Variants in ADCY5 observed in about 807,000 individuals in gnomAD.
ADCY5 encodes the protein adenylate cyclase type 5.
Under a neutral mutation model 119.7 loss-of-function variants are expected in ADCY5, and 30 were observed. That is an observed-to-expected ratio of 0.25 (90% CI 0.19 to 0.34). The LOEUF (loss-of-function observed/expected upper bound fraction) is 0.34, where lower values mean the gene tolerates loss of function less well. ADCY5 is among the 10% of genes least tolerant of loss of function. The probability of loss-of-function intolerance (pLI) is 1.00; values close to 1 mark genes in which losing one functional copy is unlikely to be tolerated. For missense variants in ADCY5, 1,324 were observed against 1,775.2 expected, an observed-to-expected ratio of 0.75 and a Z score of 4.57; for synonymous variants, 753 against 762.2, an observed-to-expected ratio of 0.99 and a Z score of 0.20.
intron 1 of ADCY5, among the ~76,000 whole-genome samples, chr3:123,414,208 T>C (rs1264233206): frequency 6.6e-6 from 1 of 152,194 alleles, no homozygotes; most frequent in Non-Finnish European, 1.5e-5. Flanking sequence ...TGCTCCCAAG[T>C]GGACAATCCC....
In ADCY5 at chr3:123,325,343, C is replaced by T; in HGVS notation, c.2067G>A (p.Val689=). 3 of 1,614,154 alleles carry T rather than the reference C, an allele frequency of 1.9e-6. No individual in the cohort carries two copies. The highest frequency in any genetic ancestry group is 2.5e-6 in the Non-Finnish European group (3 of 1,180,000). The change falls in exon 8 of 21, where the codon GTG becomes GTA. Residue 689 remains valine, a synonymous_variant. Coordinates refer to ENST00000462833, the MANE Select transcript of ADCY5 (RefSeq NM_183357.3). ...TCACCATCCGCTTCATCTCCTTGGA[C>T]ACCTGGTTGCCACCCAGGTGGTTGT... ...PFYNHLGGNQ[V]SKEMKRMGFE...
At chr3:123,371,066 G>A (rs1044581971) in intron 1 of ADCY5, among the ~76,000 whole-genome samples, 61 of 152,210 alleles carry the variant, frequency 4.0e-4, no homozygotes, top group African/African-American at 1.4e-3. Context: ...CAAGACGGAA[G>A]GAAGCACAGT....
At chr3:123,324,023 C>T (rs1220030267) in intron 8 of ADCY5, among the ~76,000 whole-genome samples, 1 of 152,072 alleles carries the variant, frequency 6.6e-6, no homozygotes, top group Non-Finnish European at 1.5e-5. Context: ...GTGGCACTGA[C>T]CAGGTCTGTG....
chr3:123,296,283 C>A (rs1207252355), intron 16 of ADCY5, 67 bp from the exon 17 acceptor site: 16 of 1,524,768 alleles, frequency 1.0e-5, no homozygotes, highest in Non-Finnish European at 1.1e-5. Flanking sequence ...GAGGACCCCA[C>A]CCCCACCCAC....
In ADCY5 at chr3:123,408,237, T is replaced by C. The variant is rs578078340; in HGVS notation, c.1134+39175A>G. Among the ~76,000 whole-genome samples the C allele has an allele frequency of 2.9e-4, 44 of 152,260 alleles. No homozygotes were observed. In the South Asian group the frequency reaches 3.5e-3, roughly 12 times the overall value. The stretch of plus-strand genomic sequence containing the variant: ...CGCATGAACATGGTCGTAACACGTA[T>C]TTTCAGTGTCGTTATGAGAATCGAG... On this transcript the variant is annotated intron_variant, in intron 1 of 20. Transcript: ENST00000462833.
At position 123,447,532 on chromosome 3, in the gene ADCY5, G is replaced by C. The variant is rs922857143; in HGVS notation, c.1014C>G (p.Thr338=). ...TGCGCACGGGCAGCAGCGTGTAGAT[G>C]GTGTAGATGAAGAACACGGTCCACC... ...GIWWTVFFIY[T]IYTLLPVRMR... The change falls in exon 1 of 21, where the codon ACC becomes ACG. Residue 338 remains threonine (T), a synonymous_variant. Transcript: ENST00000462833. 3.7e-6 allele frequency: 6 copies of C among 1,610,508 alleles called. No homozygotes were observed. Among genetic ancestry groups the C allele is most frequent in the African/African-American group, 2.7e-5 (2 of 74,906 alleles).
chr3:123,329,123 T>C (rs1027731628), intron 5 of ADCY5, among the ~76,000 whole-genome samples: 38 of 152,148 alleles, frequency 2.5e-4, no homozygotes, highest in Non-Finnish European at 5.9e-5. Flanking sequence ...ATTGGAAAAA[T>C]GCAAATGCAC....
At chr3:123,331,474 A>G (rs1213358892) in intron 4 of ADCY5, among the ~76,000 whole-genome samples, 4 of 152,234 alleles carry the variant, frequency 2.6e-5, no homozygotes, top group Admixed American at 6.5e-5. Flanking sequence ...TTTTACAAAA[A>G]GACTGAAGCA....
At position 123,448,012 on chromosome 3, in the gene ADCY5, G is replaced by C; in HGVS notation, c.534C>G (p.Val178=). The change falls in exon 1 of 21, where the codon GTC becomes GTG. Residue 178 remains valine (V), a synonymous_variant. Transcript: ENST00000462833. ...CATCCCCGGACCCCTCGCCGCCCTC[G>C]ACGGCGCCGGCCTCCAGCTCGTCGG... ...RAADELEAGA[V]EGGEGSGDGG... 2 of 1,283,976 alleles carry C rather than the reference G, an allele frequency of 1.6e-6. No homozygotes were observed. Among genetic ancestry groups the C allele is most frequent in the Non-Finnish European group, 2.0e-6 (2 of 1,020,964 alleles). 79.5% of individuals were successfully genotyped at this position (1,283,976 alleles called of 1,614,324 possible).
intron 1 of ADCY5, among the ~76,000 whole-genome samples, chr3:123,408,728 G>T (rs1027580220): frequency 6.6e-6 from 1 of 151,254 alleles, no homozygotes; most frequent in Admixed American, 6.6e-5. Flanking sequence ...TGTAATCTCA[G>T]CACTTTGGGA....
intron 1 of ADCY5, among the ~76,000 whole-genome samples, chr3:123,393,022 G>A (rs1944441010): frequency 6.6e-6 from 1 of 152,150 alleles, no homozygotes; most frequent in Admixed American, 6.5e-5. Context: ...AGGAAGACTG[G>A]GAATTTCAGT....
intron 1 of ADCY5, among the ~76,000 whole-genome samples, chr3:123,383,661 G>GCC (rs1944109395): frequency 6.6e-6 from 1 of 152,114 alleles, no homozygotes; most frequent in East Asian, 1.9e-4. Flanking sequence ...AGCAGCAACA[G>GCC]CGACGGCTCC....
chr3:123,386,417 TCCCCA>T (rs1416241150), intron 1 of ADCY5, among the ~76,000 whole-genome samples: 8 of 152,144 alleles, frequency 5.3e-5, no homozygotes, highest in African/African-American at 1.9e-4. Context: ...ATGCTGCCAC[TCCCCA>T]CCCATATGTG....
intron 1 of ADCY5, among the ~76,000 whole-genome samples, chr3:123,421,720 C>T (rs559099824): frequency 1.3e-5 from 2 of 152,348 alleles, no homozygotes; most frequent in African/African-American, 4.8e-5. Flanking sequence ...AGAGCTCCCC[C>T]ACTGGCCTCC....
chr3:123,416,885 G>A (rs1367920551), intron 1 of ADCY5, among the ~76,000 whole-genome samples: 2 of 152,108 alleles, frequency 1.3e-5, no homozygotes, highest in African/African-American at 4.8e-5. Context: ...TCATCTCACA[G>A]GAAAAAGAGT....
At chr3:123,296,263 AGCGGGCTCTGAG>A in intron 16 of ADCY5, 47 bp from the exon 17 acceptor site, 1 of 1,595,072 alleles carries the variant, frequency 6.3e-7, no homozygotes, top group South Asian at 1.1e-5. Context: ...GGCTCCTCAC[AGCGGGCTCTGAG>A]GACCCCACCC....
chr3:123,422,172 G>T (rs1409073098), intron 1 of ADCY5, among the ~76,000 whole-genome samples: 3 of 152,180 alleles, frequency 2.0e-5, no homozygotes, highest in Non-Finnish European at 4.4e-5. Flanking sequence ...AGCTCCTAAT[G>T]CTGCCAGGCT....
In ADCY5 at chr3:123,352,466, G is replaced by A. The variant is rs1336832799; in HGVS notation, c.1250C>T (p.Ala417Val). 6.2e-7 allele frequency: 1 copy of A among 1,613,682 alleles called. No individual in the cohort carries two copies. The highest frequency in any genetic ancestry group is 8.5e-7 in the Non-Finnish European group (1 of 1,179,930). The change falls in exon 2 of 21, where the codon GCG becomes GTG. Residue 417 changes from alanine to valine, a missense_variant. Coordinates refer to ENST00000462833, the MANE Select transcript of ADCY5 (RefSeq NM_183357.3). This position sits in a 1 kb window ranked among gnomAD's most constrained non-coding sequence, Gnocchi z 4.8. ...AFQETRECIQ[A>V]RLHSQRENQQ... ...GTTCTCCCGCTGCGAGTGGAGCCGC[G>A]CCTGGATGCACTCTCGGGTCTCCTG...
chr3:123,396,546 A>AAGAAAGAAAAAG (rs1944576050), intron 1 of ADCY5, among the ~76,000 whole-genome samples: 1 of 141,972 alleles, frequency 7.0e-6, no homozygotes, highest in Non-Finnish European at 1.6e-5. Flanking sequence ...GAAAGAAAGA[A>AAGAAAGAAAAAG]AGAAAGAAAA....
Sources: allele counts gnomAD v4.1 joint callset (sites outside exome capture counted in the v4.1 genomes callset), GRCh38; gene constraint gnomAD v4.1.1; non-coding constraint Gnocchi (gnomAD v3.1); transcripts MANE v1.5; gene names NCBI Gene and HGNC (gene_info 2026-07-23, HGNC 2026-07-21).